Variants in CTIF observed in about 807,000 individuals in gnomAD.
CTIF encodes the protein CBP80/20-dependent translation initiation factor.
In CTIF, 21 loss-of-function variants were observed where a neutral mutation model predicts 66.0. The observed-to-expected ratio is 0.32, with a 90% confidence interval of 0.23 to 0.46. The LOEUF is 0.46. Among genes scored for constraint, CTIF ranks in the 20% least tolerant of loss-of-function variants. The pLI is 1.00. For synonymous variants in CTIF, 345 were observed against 326.4 expected (o/e 1.06, Z -0.62); for missense variants, 739 against 812.7 (o/e 0.91, Z 1.10).
intron 9 of CTIF, among the ~76,000 whole-genome samples, chr18:48,776,663 C>T (rs1910710809): frequency 6.6e-6 from 1 of 152,248 alleles, no homozygotes; most frequent in African/African-American, 2.4e-5. Flanking sequence ...TCCAGCAGAG[C>T]CTGTGGCACC....
intron 9 of CTIF, among the ~76,000 whole-genome samples, chr18:48,781,817 A>G (rs1036852031): frequency 6.6e-5 from 10 of 152,192 alleles, no homozygotes; most frequent in African/African-American, 2.4e-4. Flanking sequence ...TGACATATGA[A>G]CTTGGATACT....
At chr18:48,694,662 C>T (rs747503580) in intron 6 of CTIF, among the ~76,000 whole-genome samples, 6 of 152,148 alleles carry the variant, frequency 3.9e-5, no homozygotes, top group South Asian at 2.1e-4. Flanking sequence ...TCTTTAATGC[C>T]GTGCATCCAC....
At chr18:48,606,089 A>T (rs79021702) in intron 1 of CTIF, among the ~76,000 whole-genome samples, 139 of 152,320 alleles carry the variant, frequency 9.1e-4, no homozygotes, top group African/African-American at 3.1e-3. Context: ...ATGTTCTACA[A>T]GGTAGTGGAT....
At chr18:48,592,516 A>G (rs867133033) in intron 1 of CTIF, among the ~76,000 whole-genome samples, 1,677 of 151,296 alleles carry the variant, frequency 0.011, 25 homozygotes, top group African/African-American at 0.033. Context: ...AAAAAAAAGA[A>G]AAAGAAAAAG....
intron 10 of CTIF, among the ~76,000 whole-genome samples, chr18:48,855,767 T>A (rs573586674): frequency 1.3e-5 from 2 of 152,336 alleles, no homozygotes; most frequent in South Asian, 4.1e-4. Flanking sequence ...AAAGTGGGAC[T>A]AAAATGTCTC....
chr18:48,567,016 T>C (rs1477052074), intron 1 of CTIF: 2 of 152,250 alleles, frequency 1.3e-5, no homozygotes, highest in Non-Finnish European at 2.9e-5. Context: ...AGTAGTCTCA[T>C]TTATTCACCA....
At chr18:48,841,859 C>T (rs1298313211) in intron 10 of CTIF, among the ~76,000 whole-genome samples, 3 of 152,162 alleles carry the variant, frequency 2.0e-5, no homozygotes, top group Non-Finnish European at 4.4e-5. Flanking sequence ...CAGACTGTTT[C>T]CTTCTGGGGC....
chr18:48,638,805 G>A (rs1271007764), intron 3 of CTIF, among the ~76,000 whole-genome samples: 1 of 152,268 alleles, frequency 6.6e-6, no homozygotes, highest in African/African-American at 2.4e-5. Context: ...TTTCTTGACA[G>A]GTGGAACTGA....
At chr18:48,576,937 G>C in intron 1 of CTIF, among the ~76,000 whole-genome samples, 1 of 152,218 alleles carries the variant, frequency 6.6e-6, no homozygotes, top group African/African-American at 2.4e-5. Context: ...AGCTGCTTAT[G>C]TGGAATATGT....
chr18:48,701,952 A>C (rs981537219), intron 6 of CTIF, among the ~76,000 whole-genome samples: 3 of 152,196 alleles, frequency 2.0e-5, no homozygotes, highest in Non-Finnish European at 2.9e-5. Flanking sequence ...CAGAAACCCA[A>C]CTCAAAGTAT....
intron 2 of CTIF, among the ~76,000 whole-genome samples, chr18:48,623,031 T>G (rs543673010): frequency 1.3e-5 from 2 of 152,364 alleles, no homozygotes; most frequent in East Asian, 3.9e-4. Flanking sequence ...GACATAGTTT[T>G]GAAAGGAGGT....
At chr18:48,764,678 G>T (rs1015955140) in intron 9 of CTIF, among the ~76,000 whole-genome samples, 3 of 152,202 alleles carry the variant, frequency 2.0e-5, no homozygotes, top group Admixed American at 1.3e-4. Flanking sequence ...CCCCACAGTG[G>T]AGGAAGCCAG....
chr18:48,564,302 G>A (rs1223028037), intron 1 of CTIF, among the ~76,000 whole-genome samples: 2 of 152,162 alleles, frequency 1.3e-5, no homozygotes, highest in African/African-American at 2.4e-5. Flanking sequence ...CTCTGTGGGT[G>A]GTGGAGGGAG....
intron 7 of CTIF, among the ~76,000 whole-genome samples, chr18:48,727,340 G>A (rs941830432): frequency 7.2e-4 from 110 of 152,304 alleles, no homozygotes; most frequent in African/African-American, 2.3e-3. Context: ...ATTGCAGCAA[G>A]TCATGAGCCC....
chr18:48,630,169 C>T (rs1012334661), intron 2 of CTIF, among the ~76,000 whole-genome samples: 3 of 152,254 alleles, frequency 2.0e-5, no homozygotes, highest in Admixed American at 2.0e-4. Context: ...TCTACCTGCG[C>T]GTCACTGCCC....
At chr18:48,844,013 T>C (rs933971203) in intron 10 of CTIF, among the ~76,000 whole-genome samples, 1 of 152,180 alleles carries the variant, frequency 6.6e-6, no homozygotes, top group African/African-American at 2.4e-5. Flanking sequence ...ACAGAGCACA[T>C]AGAACAACCA....
At chr18:48,793,407 C>A (rs376456010) in intron 9 of CTIF, among the ~76,000 whole-genome samples, 7 of 152,210 alleles carry the variant, frequency 4.6e-5, no homozygotes, top group East Asian at 3.8e-4. Flanking sequence ...TGGGGGCCAG[C>A]TTTGCTCCCT....
chr18:48,741,659 A>G (rs1437202311), intron 7 of CTIF, among the ~76,000 whole-genome samples: 1 of 152,076 alleles, frequency 6.6e-6, no homozygotes, highest in Non-Finnish European at 1.5e-5. Flanking sequence ...TCCTGACCTC[A>G]GGTGATCCTC....
At chr18:48,681,766 C>T (rs1389755412) in intron 6 of CTIF, among the ~76,000 whole-genome samples, 1 of 151,934 alleles carries the variant, frequency 6.6e-6, no homozygotes, top group Non-Finnish European at 1.5e-5. Context: ...CTGCCCCACA[C>T]CTGGTTTTTG....
Sources: allele counts gnomAD v4.1 joint callset (sites outside exome capture counted in the v4.1 genomes callset), GRCh38; gene constraint gnomAD v4.1.1; transcripts MANE v1.5; gene names NCBI Gene and HGNC (gene_info 2026-07-23, HGNC 2026-07-21).